Variants in ALK observed in about 807,000 individuals in gnomAD.
ALK encodes ALK receptor tyrosine kinase, also known as ALK tyrosine kinase receptor.
In ALK, 74 loss-of-function variants were observed where a neutral mutation model predicts 163.1. The ratio of observed to expected loss-of-function variants is 0.45; its 90% CI spans 0.38 to 0.55. ALK has a LOEUF of 0.55. ALK is among the 20% of genes least tolerant of loss of function. The pLI, the probability that ALK is intolerant of heterozygous loss-of-function variation, is 0.00. For synonymous variants in ALK, 960 were observed against 843.2 expected (o/e 1.14, Z -2.40); for missense variants, 2,063 against 2,105.3 (o/e 0.98, Z 0.39).
At chr2:29,710,431 A>G (rs1035891791) in intron 2 of ALK, among the ~76,000 whole-genome samples, 9 of 151,434 alleles carry the variant, frequency 5.9e-5, no homozygotes, top group African/African-American at 2.2e-4. Flanking sequence ...TTACCTCTCA[A>G]ATGAAACATC....
chr2:29,728,144 A>G (rs1373970141), intron 1 of ALK, among the ~76,000 whole-genome samples: 1 of 152,224 alleles, frequency 6.6e-6, no homozygotes, highest in East Asian at 1.9e-4. Context: ...ACTGAGAAAG[A>G]AACCAATACT....
At chr2:29,259,650 T>C (rs889152101) in intron 11 of ALK, among the ~76,000 whole-genome samples, 1 of 152,156 alleles carries the variant, frequency 6.6e-6, no homozygotes, top group African/African-American at 2.4e-5. Context: ...CTTGCTATTT[T>C]GCTTAGGTGT....
intron 1 of ALK, among the ~76,000 whole-genome samples, chr2:29,771,463 G>A (rs890288076): frequency 1.3e-5 from 2 of 152,068 alleles, no homozygotes; most frequent in African/African-American, 4.8e-5. Context: ...AGTAATACCA[G>A]AGACCAGAAA....
At chr2:29,476,624 T>G (rs895821674) in intron 4 of ALK, among the ~76,000 whole-genome samples, 2 of 151,784 alleles carry the variant, frequency 1.3e-5, no homozygotes, top group Non-Finnish European at 2.9e-5. Flanking sequence ...CCGGGGGAGT[T>G]TCCCGGTGGA....
intron 5 of ALK, among the ~76,000 whole-genome samples, chr2:29,371,138 G>A (rs868167542): frequency 6.6e-6 from 1 of 152,226 alleles, no homozygotes; most frequent in African/African-American, 2.4e-5. Flanking sequence ...TGTGCATTGA[G>A]GGGCCTTCTG....
chr2:29,914,462 C>T (rs1667780213), intron 1 of ALK, among the ~76,000 whole-genome samples: 1 of 152,174 alleles, frequency 6.6e-6, no homozygotes, highest in Admixed American at 6.5e-5. Context: ...AGTGCACAGC[C>T]TGCATGACCA....
chr2:29,642,772 T>C (rs1367294940), intron 3 of ALK, among the ~76,000 whole-genome samples: 1 of 152,198 alleles, frequency 6.6e-6, no homozygotes, highest in Non-Finnish European at 1.5e-5. Context: ...TATAATTTCT[T>C]CCATTAGTAC....
At chr2:29,322,913 A>G (rs1667114085) in intron 6 of ALK, among the ~76,000 whole-genome samples, 1 of 152,194 alleles carries the variant, frequency 6.6e-6, no homozygotes, top group South Asian at 2.1e-4. Context: ...GGATTCCTGG[A>G]GGAAGGAGGA....
intron 18 of ALK, among the ~76,000 whole-genome samples, chr2:29,226,250 G>A (rs931876580): frequency 2.6e-5 from 4 of 151,952 alleles, no homozygotes; most frequent in South Asian, 2.1e-4. Context: ...AGGCCGAGGC[G>A]GGTGAATCAC....
intron 1 of ALK, among the ~76,000 whole-genome samples, chr2:29,729,294 A>G (rs1679669061): frequency 1.3e-5 from 2 of 152,176 alleles, no homozygotes; most frequent in Admixed American, 1.3e-4. Context: ...TTTTGCTTTA[A>G]AAATGAGGTG....
At chr2:29,419,024 G>A (rs564240537) in intron 4 of ALK, among the ~76,000 whole-genome samples, 13 of 151,268 alleles carry the variant, frequency 8.6e-5, no homozygotes, top group South Asian at 4.2e-4. Context: ...ATTCTTGTGC[G>A]GAAGACAAGG....
intron 9 of ALK, among the ~76,000 whole-genome samples, chr2:29,292,954 C>G (rs1297252292): frequency 6.6e-6 from 1 of 152,140 alleles, no homozygotes; most frequent in Admixed American, 6.6e-5. Context: ...CTCAAGTGCA[C>G]AACTCTAGTT....
chr2:29,695,086 C>A (rs1050698187), intron 2 of ALK, 72 bp from the exon 3 acceptor site: 1 of 1,571,276 alleles, frequency 6.4e-7, no homozygotes, highest in Non-Finnish European at 8.7e-7. Context: ...CTCCACTCCA[C>A]ACTAGGAGGT....
chr2:29,300,683 G>T (rs374655102), intron 8 of ALK, among the ~76,000 whole-genome samples: 1 of 152,078 alleles, frequency 6.6e-6, no homozygotes, highest in Non-Finnish European at 1.5e-5. Context: ...GAAACAGTAA[G>T]CCTTGGACAT....
At chr2:29,315,905 T>A (rs1204726965) in intron 8 of ALK, among the ~76,000 whole-genome samples, 1 of 152,146 alleles carries the variant, frequency 6.6e-6, no homozygotes, top group Non-Finnish European at 1.5e-5. Flanking sequence ...CAGTCGCCAG[T>A]CCCTGTAGGC....
chr2:29,195,461 T>C (rs1668998988), intron 28 of ALK, among the ~76,000 whole-genome samples: 2 of 152,096 alleles, frequency 1.3e-5, no homozygotes, highest in African/African-American at 2.4e-5. Flanking sequence ...TTTAAAGAAA[T>C]AGTAGGTAGG....
chr2:29,413,233 G>A (rs1157032541), intron 4 of ALK, among the ~76,000 whole-genome samples: 3 of 152,226 alleles, frequency 2.0e-5, no homozygotes, highest in African/African-American at 7.2e-5. Flanking sequence ...CAAGATGGAT[G>A]AGGCTGCTGT....
chr2:29,354,637 G>T (rs1225546257), intron 5 of ALK, among the ~76,000 whole-genome samples: 1 of 152,072 alleles, frequency 6.6e-6, no homozygotes, highest in African/African-American at 2.4e-5. Flanking sequence ...AGAGGCTTTG[G>T]CATGATACCT....
chr2:29,452,968 T>C (rs1233148166), intron 4 of ALK, among the ~76,000 whole-genome samples: 1 of 152,088 alleles, frequency 6.6e-6, no homozygotes, highest in Non-Finnish European at 1.5e-5. Flanking sequence ...CTGTCATACA[T>C]GGGAGGAAAA....
Sources: gnomAD v4.1 joint callset for allele counts (sites outside exome capture counted in the v4.1 genomes callset) on GRCh38, gnomAD v4.1.1 for gene constraint, MANE v1.5 for transcripts, NCBI Gene and HGNC (gene_info 2026-07-23, HGNC 2026-07-21) for gene names.